The following RAP1B variants were observed in gnomAD, a reference collection of about 807,000 sequenced individuals.
RAP1B encodes ras-related protein Rap-1b.
In RAP1B, 1 loss-of-function variant was observed where a neutral mutation model predicts 27.5. The ratio of observed to expected loss-of-function variants is 0.04; its 90% CI spans 0.01 to 0.17. RAP1B has a LOEUF of 0.17. Ranked by LOEUF, RAP1B falls within the 10% of genes least tolerant of loss-of-function variation. The pLI, the probability that RAP1B is intolerant of heterozygous loss-of-function variation, is 1.00. For missense variants in RAP1B, 84 were observed against 214.8 expected (o/e 0.39, Z 3.81); for synonymous variants, 75 against 73.1 (o/e 1.03, Z -0.13).
chr12:68,642,253 G>T (rs1321283759), intron 1 of RAP1B, among the ~76,000 whole-genome samples: 3 of 152,008 alleles, frequency 2.0e-5, no homozygotes, highest in African/African-American at 7.2e-5. Context: ...AAATGCTCTT[G>T]TTTATAAGGA....
At chr12:68,617,565 A>G (rs1302536694) in intron 1 of RAP1B, among the ~76,000 whole-genome samples, 1 of 152,254 alleles carries the variant, frequency 6.6e-6, no homozygotes, top group Non-Finnish European at 1.5e-5. Context: ...AAAATATAGA[A>G]AAGTATAAAG....
chr12:68,664,144 A>G lies in RAP1B; in HGVS notation c.*4895A>G, dbSNP rs564308366. ...GGTCAAAATGCAGGGTTTTTTCCTG[A>G]AAACAAAACAGCACACACATATATT... On this transcript the variant is annotated 3_prime_UTR_variant, in exon 8 of 8. Transcript: ENST00000250559. 6.6e-6 allele frequency: 1 copy of G among 152,304 alleles called. No homozygotes were observed. Among genetic ancestry groups the G allele is most frequent in the East Asian group, 1.9e-4 (1 of 5,194 alleles). The allele number at this position is 152,304 out of a possible 1,614,324, so 9.4% of individuals were successfully genotyped here.
chr12:68,645,162 C>G (rs1873314318), intron 1 of RAP1B, among the ~76,000 whole-genome samples: 1 of 152,230 alleles, frequency 6.6e-6, no homozygotes, highest in African/African-American at 2.4e-5. Context: ...AAAAAAATCC[C>G]TATCCTCATG....
At chr12:68,656,502 A>G (rs1565674798) in intron 6 of RAP1B, 53 bp downstream of exon 6, 1 of 1,539,568 alleles carries the variant, frequency 6.5e-7, no homozygotes, top group Non-Finnish European at 9.0e-7. Flanking sequence ...AACATTGAAG[A>G]TGAATGGAAA....
chr12:68,639,015 A>G (rs1182864462), intron 1 of RAP1B, among the ~76,000 whole-genome samples: 1 of 152,202 alleles, frequency 6.6e-6, no homozygotes. Flanking sequence ...TGGTACATGT[A>G]ACATTATTAT....
At chr12:68,637,013 C>T (rs1872673675) in intron 1 of RAP1B, among the ~76,000 whole-genome samples, 1 of 152,050 alleles carries the variant, frequency 6.6e-6, no homozygotes, top group African/African-American at 2.4e-5. Flanking sequence ...GGATTCATGG[C>T]ATCTGTCAAT....
chr12:68,637,481 C>G (rs986809727), intron 1 of RAP1B, among the ~76,000 whole-genome samples: 1 of 151,724 alleles, frequency 6.6e-6, no homozygotes, highest in Non-Finnish European at 1.5e-5. Flanking sequence ...CCTGTAATCC[C>G]AGCTGCTCGG....
intron 1 of RAP1B, among the ~76,000 whole-genome samples, chr12:68,626,321 A>T (rs1250404519): frequency 6.6e-6 from 1 of 152,196 alleles, no homozygotes; most frequent in African/African-American, 2.4e-5. Context: ...ACAGCTTATA[A>T]ACTGCATGTA....
At position 68,663,995 on chromosome 12, in the gene RAP1B, A is replaced by G. The variant is rs1156823037; in HGVS notation, c.*4746A>G. The G allele has an allele frequency of 1.3e-5, 2 of 152,036 alleles. No individual in the cohort carries two copies. 9.4% of individuals were successfully genotyped at this position (152,036 alleles called of 1,614,324 possible). ...AATTTTTTTATTCATAGGTAATCTA[A>G]TTTTTCTCATTTCTCCAAAAGGGTA... On this transcript the variant is annotated 3_prime_UTR_variant, in exon 8 of 8. Transcript: ENST00000250559.
At chr12:68,621,130 A>G (rs75956662) in intron 1 of RAP1B, among the ~76,000 whole-genome samples, 1 of 152,206 alleles carries the variant, frequency 6.6e-6, no homozygotes, top group East Asian at 1.9e-4. Context: ...GAAGGAATAC[A>G]TGTGAAAATG....
At chr12:68,621,422 T>G (rs1378945372) in intron 1 of RAP1B, 2 of 152,242 alleles carry the variant, frequency 1.3e-5, no homozygotes, top group African/African-American at 2.4e-5. Context: ...TTAGCTTGTT[T>G]ATACTTGTGT....
intron 1 of RAP1B, chr12:68,642,380 C>CT (rs1169866761): frequency 2.3e-6 from 1 of 429,776 alleles, no homozygotes; most frequent in Non-Finnish European, 4.3e-6. Context: ...TTAAATGAAA[C>CT]TGAGTTAGCA....
At position 68,659,772 on chromosome 12, in the gene RAP1B, T is replaced by G. The variant is rs1350116135; in HGVS notation, c.*523T>G. ...TATTGTACAAAATAAGCGCTTTGAT[T>G]AACACAGCTATATAGTTTTTTTAAT... On this transcript the variant is annotated 3_prime_UTR_variant, in exon 8 of 8. Coordinates refer to ENST00000250559, the MANE Select transcript of RAP1B (RefSeq NM_001010942.3). 2.0e-5 allele frequency: 3 copies of G among 152,584 alleles called. No homozygotes were observed. The highest frequency in any genetic ancestry group is 4.4e-5 in the Non-Finnish European group (3 of 68,052). 9.5% of individuals were successfully genotyped at this position (152,584 alleles called of 1,614,324 possible). A position where few individuals can be genotyped will look rare whatever the true frequency, so the allele number is the denominator to read the frequency against.
chr12:68,643,553 C>CT (rs2135951546), intron 1 of RAP1B, among the ~76,000 whole-genome samples: 1 of 152,276 alleles, frequency 6.6e-6, no homozygotes, highest in South Asian at 2.1e-4. Flanking sequence ...GTAATTAAGA[C>CT]TTAAAGAATA....
At chr12:68,620,175 TTGG>T in intron 1 of RAP1B, among the ~76,000 whole-genome samples, 1 of 151,952 alleles carries the variant, frequency 6.6e-6, no homozygotes, top group African/African-American at 2.4e-5. Context: ...ATGCTGTTTC[TTGG>T]TGGTGGTGGT....
rs780535656 is a variant in RAP1B, at chr12:68,671,660, T to C, written c.*12411T>C. The C allele has an allele frequency of 1.3e-5, 2 of 151,960 alleles. No individual in the cohort carries two copies. The highest frequency in any genetic ancestry group is 2.4e-5 in the African/African-American group (1 of 41,342). 9.4% of individuals were successfully genotyped at this position (151,960 alleles called of 1,614,324 possible). On this transcript the variant is annotated 3_prime_UTR_variant, in exon 8 of 8. Coordinates refer to ENST00000250559, the MANE Select transcript of RAP1B (RefSeq NM_001010942.3). ...ATATGCATTACCTGACATGGTGATA[T>C]AGGAGTAGGGGTGAGGAAGTGAAGG...
At chr12:68,651,082 GTGAC>G (rs1303307649) in intron 3 of RAP1B, among the ~76,000 whole-genome samples, 1 of 152,122 alleles carries the variant, frequency 6.6e-6, no homozygotes, top group Admixed American at 6.5e-5. Flanking sequence ...CATTTTGACT[GTGAC>G]TGGTCACATG....
intron 1 of RAP1B, among the ~76,000 whole-genome samples, chr12:68,634,079 A>G (rs986200448): frequency 6.6e-6 from 1 of 152,186 alleles, no homozygotes; most frequent in African/African-American, 2.4e-5. Flanking sequence ...TGAAGAGAGA[A>G]GAATCCATGA....
intron 1 of RAP1B, among the ~76,000 whole-genome samples, chr12:68,640,663 C>G (rs560765214): frequency 2.0e-5 from 3 of 152,070 alleles, no homozygotes; most frequent in South Asian, 2.1e-4. Flanking sequence ...CATTTTGTTA[C>G]GCTTTTTAGT....
Sources: gnomAD v4.1 joint callset for allele counts (sites outside exome capture counted in the v4.1 genomes callset) on GRCh38, gnomAD v4.1.1 for gene constraint, MANE v1.5 for transcripts, NCBI Gene and HGNC (gene_info 2026-07-23, HGNC 2026-07-21) for gene names.